EYS: variants seen among roughly 807,000 people sequenced by gnomAD.
The protein encoded by EYS is EGF-like photoreceptor maintenance factor.
A neutral mutation model predicts 282.1 loss-of-function variants in EYS; 250 were observed. That is an observed-to-expected ratio of 0.89 (90% CI 0.80 to 0.98). EYS has a LOEUF of 0.98. EYS is among the 50% of genes least tolerant of loss of function. EYS has a pLI of 0.00. For synonymous variants in EYS, 1,355 were observed against 1,282.9 expected (o/e 1.06, Z -1.20); for missense variants, 4,016 against 3,709.0 (o/e 1.08, Z -2.15).
intron 5 of EYS, among the ~76,000 whole-genome samples, chr6:65,451,173 A>T (rs554473944): frequency 3.9e-5 from 6 of 152,186 alleles, no homozygotes; most frequent in Middle Eastern, 3.4e-3. Context: ...ATAGAAAGAC[A>T]ATGCATGCAG....
At chr6:64,576,446 T>C (rs545840970) in intron 26 of EYS, among the ~76,000 whole-genome samples, 168 of 152,130 alleles carry the variant, frequency 1.1e-3, no homozygotes, top group African/African-American at 3.9e-3. Context: ...CAGGTTAATA[T>C]ACTTAAAATT....
intron 5 of EYS, among the ~76,000 whole-genome samples, chr6:65,412,260 T>C (rs1767051385): frequency 6.6e-6 from 1 of 152,156 alleles, no homozygotes. Flanking sequence ...TCTGTGTTAA[T>C]TTGTTATAGT....
At chr6:64,197,087 C>T (rs1049850315) in intron 31 of EYS, among the ~76,000 whole-genome samples, 3 of 151,756 alleles carry the variant, frequency 2.0e-5, no homozygotes, top group African/African-American at 7.3e-5. Flanking sequence ...GGTCTCAGGG[C>T]GTGACCAACT....
At chr6:65,486,256 C>G (rs867404409) in intron 5 of EYS, among the ~76,000 whole-genome samples, 14 of 152,248 alleles carry the variant, frequency 9.2e-5, no homozygotes, top group Middle Eastern at 3.4e-3. Flanking sequence ...TTTGTTGTGA[C>G]AAAACTATTA....
intron 13 of EYS, among the ~76,000 whole-genome samples, chr6:64,998,536 CAT>C (rs1351676921): frequency 1.3e-5 from 2 of 152,168 alleles, no homozygotes; most frequent in African/African-American, 4.8e-5. Flanking sequence ...TTTTGTACAA[CAT>C]GTGTAACTAG....
intron 1 of EYS, among the ~76,000 whole-genome samples, chr6:65,645,409 A>G (rs1767416487): frequency 6.6e-6 from 1 of 152,232 alleles, no homozygotes; most frequent in Non-Finnish European, 1.5e-5. Context: ...ATACATGGAA[A>G]TTAAATAAAC....
chr6:64,891,063 A>T (rs1767275379), intron 18 of EYS, among the ~76,000 whole-genome samples: 1 of 151,968 alleles, frequency 6.6e-6, no homozygotes, highest in South Asian at 2.1e-4. Flanking sequence ...TTCAACTGGA[A>T]TGTTGGGGGT....
chr6:63,767,983 C>T (rs992576153), intron 40 of EYS, among the ~76,000 whole-genome samples: 1 of 152,062 alleles, frequency 6.6e-6, no homozygotes, highest in Non-Finnish European at 1.5e-5. Flanking sequence ...GAAAGGGCTT[C>T]CTATTCGATA....
At chr6:64,202,773 G>T (rs1428729974) in intron 31 of EYS, among the ~76,000 whole-genome samples, 4 of 152,164 alleles carry the variant, frequency 2.6e-5, no homozygotes, top group East Asian at 1.9e-4. Context: ...GAAGGGGAAA[G>T]GATATATGAG....
At chr6:63,987,100 A>G (rs1235231841) in intron 34 of EYS, among the ~76,000 whole-genome samples, 4 of 151,738 alleles carry the variant, frequency 2.6e-5, no homozygotes, top group African/African-American at 9.7e-5. Context: ...AAGACGGCAA[A>G]TAAGATGAAT....
intron 41 of EYS, among the ~76,000 whole-genome samples, chr6:63,733,514 C>T (rs549123578): frequency 6.6e-6 from 1 of 152,122 alleles, no homozygotes; most frequent in East Asian, 1.9e-4. Context: ...TGTTTAGTTC[C>T]TACCTATAAG....
chr6:64,143,484 T>C (rs76234068), intron 31 of EYS, among the ~76,000 whole-genome samples: 24 of 152,226 alleles, frequency 1.6e-4, no homozygotes, highest in Admixed American at 7.9e-4. Context: ...TCAATTTTTC[T>C]GTAACCTAAA....
chr6:65,539,200 G>A (rs1424706468), intron 2 of EYS, among the ~76,000 whole-genome samples: 3 of 152,124 alleles, frequency 2.0e-5, no homozygotes, highest in Admixed American at 2.0e-4. Context: ...GCATCACTAA[G>A]GAGATTCAAT....
chr6:65,135,632 C>T (rs1193431288), intron 12 of EYS, among the ~76,000 whole-genome samples: 1 of 151,466 alleles, frequency 6.6e-6, no homozygotes, highest in Admixed American at 6.6e-5. Flanking sequence ...AATATCACTT[C>T]AGTTAACAGT....
chr6:65,627,919 G>A (rs1445367554), intron 2 of EYS, among the ~76,000 whole-genome samples: 1 of 152,246 alleles, frequency 6.6e-6, no homozygotes, highest in African/African-American at 2.4e-5. Context: ...CAAGGGCTGA[G>A]GAATGCGAGC....
intron 1 of EYS, among the ~76,000 whole-genome samples, chr6:65,696,349 G>A (rs779166531): frequency 5.5e-4 from 83 of 151,926 alleles, no homozygotes; most frequent in South Asian, 2.9e-3. Flanking sequence ...AATACAATTC[G>A]TTGTTTTCAA....
chr6:65,293,248 G>A (rs747559016), intron 12 of EYS, among the ~76,000 whole-genome samples: 2 of 137,244 alleles, frequency 1.5e-5, no homozygotes, highest in Non-Finnish European at 3.1e-5. Flanking sequence ...AAAGGATGAG[G>A]GAAGAATATT....
intron 8 of EYS, among the ~76,000 whole-genome samples, chr6:65,364,337 T>C (rs1764831482): frequency 6.6e-6 from 1 of 151,266 alleles, no homozygotes; most frequent in African/African-American, 2.4e-5. Context: ...AACCTCAGAA[T>C]TGTATTAGTC....
At chr6:64,226,502 G>A (rs1766256942) in intron 31 of EYS, among the ~76,000 whole-genome samples, 1 of 152,036 alleles carries the variant, frequency 6.6e-6, no homozygotes, top group African/African-American at 2.4e-5. Context: ...AGAGGCATAC[G>A]CTTTTCCCCA....
Sources: allele counts gnomAD v4.1 joint callset (sites outside exome capture counted in the v4.1 genomes callset), GRCh38; gene constraint gnomAD v4.1.1; transcripts MANE v1.5; gene names NCBI Gene and HGNC (gene_info 2026-07-23, HGNC 2026-07-21).